SLC24A3: variants seen among roughly 807,000 people sequenced by gnomAD.
SLC24A3 encodes the protein solute carrier family 24 member 3.
SLC24A3 carries 28 observed loss-of-function variants against 75.8 expected under a neutral mutation model. The observed-to-expected ratio is 0.37, with a 90% CI of 0.27 to 0.51. The LOEUF is 0.51. SLC24A3 is among the 20% of genes least tolerant of loss of function. SLC24A3 has a pLI of 0.94. For synonymous variants in SLC24A3, 372 were observed against 334.1 expected, an observed-to-expected ratio of 1.11 and a Z score of -1.24; for missense variants, 663 against 847.8, an observed-to-expected ratio of 0.78 and a Z score of 2.71.
In SLC24A3 at chr20:19,230,668, G is replaced by A. The variant is rs541145423; in HGVS notation, c.142+17684G>A. 1.5e-4 allele frequency among the ~76,000 whole-genome samples: 21 copies of A among 143,544 alleles called. No individual in the cohort carries two copies. In the South Asian group the frequency reaches 4.8e-3, roughly 33 times the overall value. The allele number at this position is 143,544 out of a possible 152,430, so 94.2% of individuals were successfully genotyped here. A position where few individuals can be genotyped will look rare whatever the true frequency, so the allele number is the denominator to read the frequency against. ...TATAGAAAGACATATTGATGGGGGGGGTGCCCTTTACAACAGTTCCTTTCA... is the reference window on the plus strand; with the variant it reads ...TATAGAAAGACATATTGATGGGGGGAGTGCCCTTTACAACAGTTCCTTTCA... On this transcript the variant is annotated intron_variant, in intron 1 of 16. Coordinates refer to ENST00000328041, the MANE Select transcript of SLC24A3 (RefSeq NM_020689.4).
intron 1 of SLC24A3, among the ~76,000 whole-genome samples, chr20:19,267,575 A>G (rs1387908449): frequency 6.6e-6 from 1 of 152,194 alleles, no homozygotes; most frequent in African/African-American, 2.4e-5. Context: ...AAGTCATTGA[A>G]ACTCTTTGGG....
chr20:19,693,731 C>T (rs553715067), intron 13 of SLC24A3: 206 of 267,312 alleles, frequency 7.7e-4, no homozygotes, highest in African/African-American at 4.0e-3. Context: ...CACGTGTCTG[C>T]TCATTTTCTT....
At chr20:19,443,128 A>T in intron 2 of SLC24A3, among the ~76,000 whole-genome samples, 1 of 152,146 alleles carries the variant, frequency 6.6e-6, no homozygotes, top group East Asian at 1.9e-4. Context: ...TAGTCCTCTG[A>T]CTTATTTTTC....
intron 2 of SLC24A3, among the ~76,000 whole-genome samples, chr20:19,402,156 T>G (rs1293686442): frequency 6.6e-6 from 1 of 152,126 alleles, no homozygotes; most frequent in African/African-American, 2.4e-5. Context: ...AAAGAAAGAA[T>G]TACTGCTCTG....
intron 3 of SLC24A3, among the ~76,000 whole-genome samples, chr20:19,574,239 T>TC (rs1298973822): frequency 7.2e-5 from 11 of 152,326 alleles, no homozygotes; most frequent in African/African-American, 2.6e-4. Context: ...CCCTGGAAGT[T>TC]TACTTTGTCA....
At chr20:19,408,634 C>G (rs898108187) in intron 2 of SLC24A3, among the ~76,000 whole-genome samples, 1 of 152,126 alleles carries the variant, frequency 6.6e-6, no homozygotes, top group Non-Finnish European at 1.5e-5. Context: ...AAGTGATCCA[C>G]CCACCTCAGC....
intron 2 of SLC24A3, among the ~76,000 whole-genome samples, chr20:19,459,773 G>A (rs80243832): frequency 0.027 from 4,084 of 152,224 alleles, 77 homozygotes; most frequent in Middle Eastern, 0.044. Context: ...GAAACCCTTG[G>A]GGAATCTTCC....
At chr20:19,335,915 A>G (rs949778422) in intron 2 of SLC24A3, among the ~76,000 whole-genome samples, 2 of 152,184 alleles carry the variant, frequency 1.3e-5, no homozygotes, top group South Asian at 2.1e-4. Flanking sequence ...CAAGACAGAC[A>G]TTGCTAATCA....
chr20:19,594,999 T>G (rs1339170389), intron 6 of SLC24A3, among the ~76,000 whole-genome samples: 1 of 152,182 alleles, frequency 6.6e-6, no homozygotes, highest in Admixed American at 6.5e-5. Context: ...TGGTGCAGTT[T>G]TGAACATGAG....
At chr20:19,370,320 A>G (rs774357931) in intron 2 of SLC24A3, among the ~76,000 whole-genome samples, 1 of 152,198 alleles carries the variant, frequency 6.6e-6, no homozygotes, top group Non-Finnish European at 1.5e-5. Context: ...CTGTTGTTTG[A>G]TAAGTGATGT....
At chr20:19,249,054 G>GGA (rs2122176732) in intron 1 of SLC24A3, among the ~76,000 whole-genome samples, 1 of 151,940 alleles carries the variant, frequency 6.6e-6, no homozygotes, top group East Asian at 1.9e-4. Context: ...TAAATGATAA[G>GGA]TATTTGAGAT....
intron 2 of SLC24A3, among the ~76,000 whole-genome samples, chr20:19,337,652 G>A (rs1166553138): frequency 1.3e-5 from 2 of 152,092 alleles, no homozygotes; most frequent in Admixed American, 6.6e-5. Flanking sequence ...AGCTACAGCT[G>A]TATAACAAAC....
At chr20:19,338,680 A>G (rs991828081) in intron 2 of SLC24A3, among the ~76,000 whole-genome samples, 1 of 152,172 alleles carries the variant, frequency 6.6e-6, no homozygotes, top group Non-Finnish European at 1.5e-5. Context: ...GCTCCTTTAC[A>G]TGCAGATGTG....
rs978892214 is a variant in SLC24A3, at chr20:19,631,344, C to T, written c.613-22718C>T. On this transcript the variant is annotated intron_variant, in intron 6 of 16. Transcript: ENST00000328041. ...CCTGGGTGACAGAGTCAGACCCTGTCTCAAAAATGAAAATAAAAAGATATT... is the reference window on the plus strand; with the variant it reads ...CCTGGGTGACAGAGTCAGACCCTGTTTCAAAAATGAAAATAAAAAGATATT... Among the ~76,000 whole-genome samples the T allele has an allele frequency of 2.6e-5, 4 of 152,052 alleles. No individual in the cohort carries two copies. In the South Asian group the frequency reaches 8.3e-4, roughly 31 times the overall value.
chr20:19,293,772 A>G (rs749089984), intron 2 of SLC24A3, among the ~76,000 whole-genome samples: 1 of 152,032 alleles, frequency 6.6e-6, no homozygotes, highest in Non-Finnish European at 1.5e-5. Context: ...AATTCCCACT[A>G]TAAATATAGA....
chr20:19,495,245 G>A (rs6112414), intron 2 of SLC24A3, among the ~76,000 whole-genome samples: 26,275 of 152,154 alleles, frequency 0.17, 2,759 homozygotes, highest in African/African-American at 0.29. Context: ...GTTTCTGAGC[G>A]GGCACCAACA....
intron 3 of SLC24A3, among the ~76,000 whole-genome samples, chr20:19,547,166 A>G (rs1055154456): frequency 6.6e-6 from 1 of 152,228 alleles, no homozygotes; most frequent in East Asian, 1.9e-4. Flanking sequence ...CTTAATCTAC[A>G]TGAGGATAGG....
At chr20:19,588,220 T>C (rs367717106) in intron 6 of SLC24A3, among the ~76,000 whole-genome samples, 2 of 152,130 alleles carry the variant, frequency 1.3e-5, no homozygotes, top group East Asian at 1.9e-4. Context: ...GTTGGTGCAG[T>C]GGAATGTTAC....
At chr20:19,660,995 G>A (rs2032320267) in intron 7 of SLC24A3, among the ~76,000 whole-genome samples, 2 of 152,258 alleles carry the variant, frequency 1.3e-5, no homozygotes, top group East Asian at 1.9e-4. Context: ...CTAGGAGGCC[G>A]GTTACACTCT....
Sources: gnomAD v4.1 joint callset for allele counts (sites outside exome capture counted in the v4.1 genomes callset) on GRCh38, gnomAD v4.1.1 for gene constraint, MANE v1.5 for transcripts, NCBI Gene and HGNC (gene_info 2026-07-23, HGNC 2026-07-21) for gene names.